The following THEMIS variants were observed in gnomAD, a reference collection of about 807,000 sequenced individuals.
THEMIS encodes thymocyte selection associated.
In THEMIS, 37 loss-of-function variants were observed where a neutral mutation model predicts 52.6. That is an observed-to-expected ratio of 0.70 (90% CI 0.54 to 0.93). THEMIS has a LOEUF of 0.93. Among genes scored for constraint, THEMIS ranks in the 40% least tolerant of loss-of-function variants. The probability of loss-of-function intolerance (pLI) is 0.00; values close to 1 mark genes in which losing one functional copy is unlikely to be tolerated. For synonymous variants in THEMIS, 292 were observed against 272.7 expected, an observed-to-expected ratio of 1.07 and a Z score of -0.70; for missense variants, 808 against 763.1, an observed-to-expected ratio of 1.06 and a Z score of -0.69.
the THEMIS span, among the ~76,000 whole-genome samples, chr6:127,703,035 GTTTTT>G: frequency 0.012 from 969 of 82,064 alleles, 3 homozygotes; most frequent in African/African-American, 0.053. Context: ...TTTAGAATGA[GTTTTT>G]TTTTTTTTTT....
intron 3 of THEMIS, among the ~76,000 whole-genome samples, chr6:127,820,912 T>C (rs1778316515): frequency 6.6e-6 from 1 of 152,018 alleles, no homozygotes; most frequent in Admixed American, 6.6e-5. Context: ...CATCCTCAAG[T>C]TTTTAAACTG....
intron 4 of THEMIS, among the ~76,000 whole-genome samples, chr6:127,743,336 T>G (rs1406947324): frequency 6.6e-6 from 1 of 152,086 alleles, no homozygotes; most frequent in African/African-American, 2.4e-5. Context: ...CCTCAATTTT[T>G]CTCCCACGCA....
At chr6:127,718,338 G>T (rs1348148878) in intron 5 of THEMIS, among the ~76,000 whole-genome samples, 1 of 151,788 alleles carries the variant, frequency 6.6e-6, no homozygotes, top group Admixed American at 6.6e-5. Context: ...CACTTGCCTA[G>T]AACCACTGCT....
intron 4 of THEMIS, among the ~76,000 whole-genome samples, chr6:127,772,382 C>T (rs1284619759): frequency 6.6e-6 from 1 of 151,584 alleles, no homozygotes; most frequent in African/African-American, 2.4e-5. Context: ...TTAGGTAGGC[C>T]TTTGTGTATT....
intron 4 of THEMIS, among the ~76,000 whole-genome samples, chr6:127,727,033 G>T (rs958937067): frequency 6.6e-6 from 1 of 152,084 alleles, no homozygotes; most frequent in African/African-American, 2.4e-5. Context: ...TCCAGATATT[G>T]GACAATCATG....
intron 3 of THEMIS, among the ~76,000 whole-genome samples, chr6:127,814,523 C>A (rs377136729): frequency 6.6e-6 from 1 of 152,014 alleles, no homozygotes; most frequent in Non-Finnish European, 1.5e-5. Context: ...GATTAATATG[C>A]GAAAATAAAT....
chr6:127,817,167 GCTTT>G (rs1226952828), intron 3 of THEMIS, among the ~76,000 whole-genome samples: 1 of 151,984 alleles, frequency 6.6e-6, no homozygotes, highest in Non-Finnish European at 1.5e-5. Flanking sequence ...GAGGTGGGAG[GCTTT>G]CATTGTTTTC....
intron 2 of THEMIS, among the ~76,000 whole-genome samples, chr6:127,832,663 A>G (rs1011706301): frequency 6.6e-6 from 1 of 152,156 alleles, no homozygotes; most frequent in African/African-American, 2.4e-5. Context: ...AAGAAAGACA[A>G]GACACATTCC....
At chr6:127,774,228 C>T (rs189585939) in intron 4 of THEMIS, among the ~76,000 whole-genome samples, 15 of 152,184 alleles carry the variant, frequency 9.9e-5, no homozygotes, top group Non-Finnish European at 1.5e-4. Context: ...TTCTTTGAGA[C>T]GGAGTCTCGC....
chr6:127,698,766 A>G, the THEMIS span, among the ~76,000 whole-genome samples: 1 of 152,116 alleles, frequency 6.6e-6, no homozygotes, highest in Middle Eastern at 3.4e-3. Flanking sequence ...CAGAAAATAG[A>G]AAGAAATTTC....
chr6:127,697,115 A>G, the THEMIS span, among the ~76,000 whole-genome samples: 1 of 152,158 alleles, frequency 6.6e-6, no homozygotes, highest in South Asian at 2.1e-4. Flanking sequence ...TAAAAGGCAT[A>G]CAAAAATTAA....
At chr6:127,759,279 T>C (rs903125262) in intron 4 of THEMIS, among the ~76,000 whole-genome samples, 1 of 152,040 alleles carries the variant, frequency 6.6e-6, no homozygotes, top group South Asian at 2.1e-4. Flanking sequence ...ATAACACTTA[T>C]AGGTAAATTT....
At chr6:127,882,495 T>C (rs1780515366) in intron 1 of THEMIS, among the ~76,000 whole-genome samples, 1 of 151,884 alleles carries the variant, frequency 6.6e-6, no homozygotes, top group Non-Finnish European at 1.5e-5. Flanking sequence ...CATGTGTGAG[T>C]TTAGGTTGTC....
At chr6:127,843,215 T>C (rs974002496) in intron 2 of THEMIS, among the ~76,000 whole-genome samples, 2 of 152,054 alleles carry the variant, frequency 1.3e-5, no homozygotes, top group African/African-American at 4.8e-5. Flanking sequence ...ACAATGCTAC[T>C]GCATATAGTA....
At chr6:127,706,917 T>A (rs1044693967), downstream of THEMIS, among the ~76,000 whole-genome samples, 4 of 152,072 alleles carry the variant, frequency 2.6e-5, no homozygotes, top group African/African-American at 9.7e-5. Context: ...ATTCTTACAC[T>A]GCTAATAAAG....
At chr6:127,697,625 T>C in the THEMIS span, among the ~76,000 whole-genome samples, 1 of 152,188 alleles carries the variant, frequency 6.6e-6, no homozygotes, top group Non-Finnish European at 1.5e-5. Flanking sequence ...AACCCCTTGG[T>C]CCCACTGAAC....
At chr6:127,718,349 T>C (rs1774243196) in intron 5 of THEMIS, among the ~76,000 whole-genome samples, 1 of 151,884 alleles carries the variant, frequency 6.6e-6, no homozygotes. Flanking sequence ...AACCACTGCT[T>C]TAATTCCAGG....
At chr6:127,875,157 C>T (rs1256666535) in intron 1 of THEMIS, among the ~76,000 whole-genome samples, 1 of 152,212 alleles carries the variant, frequency 6.6e-6, no homozygotes, top group Non-Finnish European at 1.5e-5. Context: ...CGAAACCAGT[C>T]CCTGGTCCCA....
upstream of THEMIS, among the ~76,000 whole-genome samples, chr6:127,904,359 G>A (rs1367915487): frequency 6.6e-6 from 1 of 152,072 alleles, no homozygotes; most frequent in African/African-American, 2.4e-5. Flanking sequence ...GGCCAGCCAA[G>A]GAGGGAGCAG....
Sources: allele counts gnomAD v4.1 joint callset (sites outside exome capture counted in the v4.1 genomes callset), GRCh38; gene constraint gnomAD v4.1.1; transcripts MANE v1.5; gene names NCBI Gene and HGNC (gene_info 2026-07-23, HGNC 2026-07-21).